Variants in DCDC1 observed in about 807,000 individuals in gnomAD.
DCDC1 encodes the protein doublecortin domain-containing protein 1.
A neutral mutation model predicts 178.3 loss-of-function variants in DCDC1; 200 were observed. The observed-to-expected ratio is 1.12, with a 90% confidence interval of 1.00 to 1.26. DCDC1 has a LOEUF of 1.26. Ranked by LOEUF, DCDC1 falls within the 50% of genes most tolerant of loss-of-function variation. The pLI is 0.00. For synonymous variants in DCDC1, 690 were observed against 604.8 expected (o/e 1.14, Z -2.07); for missense variants, 1,983 against 1,749.2 (o/e 1.13, Z -2.38).
intron 9 of DCDC1, among the ~76,000 whole-genome samples, chr11:31,236,271 T>C (rs1223095452): frequency 6.6e-6 from 1 of 151,992 alleles, no homozygotes; most frequent in Non-Finnish European, 1.5e-5. Context: ...ACTGTACTTT[T>C]GAGAAAATTG....
chr11:31,300,974 T>C (rs1353933761), intron 6 of DCDC1, among the ~76,000 whole-genome samples: 1 of 152,218 alleles, frequency 6.6e-6, no homozygotes, highest in Non-Finnish European at 1.5e-5. Flanking sequence ...GCTATAGATT[T>C]TCCTACTGAC....
intron 20 of DCDC1, among the ~76,000 whole-genome samples, chr11:30,953,136 T>A (rs1434392414): frequency 6.6e-6 from 1 of 151,484 alleles, no homozygotes; most frequent in Non-Finnish European, 1.5e-5. Context: ...CAAAGTAAAC[T>A]TTAATATAGT....
chr11:31,344,561 G>A (rs978081523), intron 1 of DCDC1, among the ~76,000 whole-genome samples: 2 of 152,164 alleles, frequency 1.3e-5, no homozygotes. Context: ...TCTGCAAAAT[G>A]GGGATAAAAA....
At chr11:31,088,328 T>C (rs926481214) in intron 17 of DCDC1, among the ~76,000 whole-genome samples, 2 of 152,130 alleles carry the variant, frequency 1.3e-5, no homozygotes, top group Non-Finnish European at 2.9e-5. Context: ...TTGATACACG[T>C]GGCTTTAAGC....
At chr11:31,218,108 GCTTT>G (rs1388637124) in intron 9 of DCDC1, among the ~76,000 whole-genome samples, 3 of 150,660 alleles carry the variant, frequency 2.0e-5, no homozygotes, top group Non-Finnish European at 4.4e-5. Context: ...TTTGTCATTT[GCTTT>G]AAGAAAAAAA....
intron 13 of DCDC1, among the ~76,000 whole-genome samples, chr11:31,106,491 C>T (rs954788639): frequency 5.9e-5 from 9 of 152,190 alleles, no homozygotes; most frequent in East Asian, 5.8e-4. Context: ...CCCCCCGTGG[C>T]GTTTCCATCT....
chr11:30,922,769 T>TGA, intron 23 of DCDC1, 131 bp from the exon 24 acceptor site: 17 of 880,928 alleles, frequency 1.9e-5, no homozygotes, highest in Non-Finnish European at 2.5e-5. Flanking sequence ...TAAAGAAAAC[T>TGA]GTGTACCACT....
intron 8 of DCDC1, among the ~76,000 whole-genome samples, chr11:31,243,233 C>T (rs1977400572): frequency 6.6e-6 from 1 of 151,484 alleles, no homozygotes; most frequent in Admixed American, 6.6e-5. Context: ...ATAAAGCAAC[C>T]TTGATTACAA....
At chr11:30,933,695 G>A (rs1476809906) in intron 21 of DCDC1, among the ~76,000 whole-genome samples, 1 of 152,128 alleles carries the variant, frequency 6.6e-6, no homozygotes, top group Non-Finnish European at 1.5e-5. Flanking sequence ...TGCTTCTTGT[G>A]AGAAACACAC....
intron 8 of DCDC1, among the ~76,000 whole-genome samples, chr11:31,260,866 G>A (rs1264880767): frequency 6.6e-6 from 1 of 152,166 alleles, no homozygotes; most frequent in Non-Finnish European, 1.5e-5. Context: ...CATCTGAAAT[G>A]CTTGTATAAC....
At chr11:31,080,543 A>G (rs1014793254) in intron 17 of DCDC1, among the ~76,000 whole-genome samples, 1 of 152,226 alleles carries the variant, frequency 6.6e-6, no homozygotes, top group African/African-American at 2.4e-5. Context: ...TATTAAAATA[A>G]TCACCAGTTT....
chr11:31,280,102 C>A (rs1044259962), intron 7 of DCDC1, among the ~76,000 whole-genome samples: 10 of 152,002 alleles, frequency 6.6e-5, no homozygotes, highest in African/African-American at 2.2e-4. Context: ...TACACATAAA[C>A]CACACTAAAA....
intron 20 of DCDC1, among the ~76,000 whole-genome samples, chr11:31,020,924 AC>A (rs1469612595): frequency 6.6e-6 from 1 of 152,254 alleles, no homozygotes; most frequent in African/African-American, 2.4e-5. Flanking sequence ...ATAAGAAAAT[AC>A]TGAAATCCCA....
intron 24 of DCDC1, 127 bp from the exon 25 acceptor site, chr11:30,921,062 T>A: frequency 1.1e-6 from 1 of 892,382 alleles, no homozygotes; most frequent in Non-Finnish European, 1.6e-6. Flanking sequence ...ATAGGTTACT[T>A]ATTAAACTCA....
intron 20 of DCDC1, among the ~76,000 whole-genome samples, chr11:31,017,360 G>A (rs916965447): frequency 5.3e-5 from 8 of 151,952 alleles, no homozygotes; most frequent in African/African-American, 1.9e-4. Flanking sequence ...TTAATGAATA[G>A]TAAATATGGT....
chr11:30,993,642 G>A (rs573908780), intron 20 of DCDC1, among the ~76,000 whole-genome samples: 32 of 151,898 alleles, frequency 2.1e-4, no homozygotes, highest in Non-Finnish European at 4.0e-4. Flanking sequence ...TAGATCAATC[G>A]CATACACAGT....
In DCDC1 at chr11:31,112,640, T is replaced by C. The variant is rs1023632652; in HGVS notation, c.1486-2279A>G. Reference sequence around the variant, plus strand: ...ATGATGCAGATCCTGTTGAAAAACATAGTAGCTAACAACTACTGAAGAAAC... The same window carrying C: ...ATGATGCAGATCCTGTTGAAAAACACAGTAGCTAACAACTACTGAAGAAAC... On this transcript the variant is annotated intron_variant, in intron 11 of 38. Transcript: ENST00000684477. Among the ~76,000 whole-genome samples the C allele has an allele frequency of 5.3e-5, 8 of 152,192 alleles. No homozygotes were observed. The South Asian group carries it at 1.0e-3, about 20-fold the overall frequency.
At chr11:31,276,373 A>C (rs556126579) in intron 7 of DCDC1, among the ~76,000 whole-genome samples, 1 of 152,348 alleles carries the variant, frequency 6.6e-6, no homozygotes, top group African/African-American at 2.4e-5. Flanking sequence ...CATTTGGATT[A>C]CTAAAAATAC....
At chr11:31,337,490 G>C (rs923963722) in intron 1 of DCDC1, among the ~76,000 whole-genome samples, 13 of 152,182 alleles carry the variant, frequency 8.5e-5, no homozygotes, top group African/African-American at 2.9e-4. Flanking sequence ...AAAACACAGT[G>C]AGACCCTGAC....
Sources: gnomAD v4.1 joint callset for allele counts (sites outside exome capture counted in the v4.1 genomes callset) on GRCh38, gnomAD v4.1.1 for gene constraint, MANE v1.5 for transcripts, NCBI Gene and HGNC (gene_info 2026-07-23, HGNC 2026-07-21) for gene names.